GRID2: variants seen among roughly 807,000 people sequenced by gnomAD.
The protein encoded by GRID2 is glutamate ionotropic receptor delta type subunit 2.
A neutral mutation model predicts 114.8 loss-of-function variants in GRID2; 33 were observed. That is an observed-to-expected ratio of 0.29 (90% CI 0.22 to 0.38). The LOEUF (loss-of-function observed/expected upper bound fraction) is 0.38, where lower values mean the gene tolerates loss of function less well. Ranked by LOEUF, GRID2 falls within the 10% of genes least tolerant of loss-of-function variation. GRID2 has a pLI of 1.00. For missense variants in GRID2, 1,184 were observed against 1,257.7 expected, an observed-to-expected ratio of 0.94 and a Z score of 0.89; for synonymous variants, 505 against 449.9, an observed-to-expected ratio of 1.12 and a Z score of -1.55.
At chr4:93,230,551 G>C (rs1044332702) in intron 7 of GRID2, among the ~76,000 whole-genome samples, 4 of 152,100 alleles carry the variant, frequency 2.6e-5, no homozygotes, top group Non-Finnish European at 1.5e-5. Context: ...AGAGTAGCAA[G>C]TCACAATAAA....
intron 1 of GRID2, among the ~76,000 whole-genome samples, chr4:92,485,247 A>G (rs1722804995): frequency 1.4e-5 from 2 of 144,830 alleles, no homozygotes; most frequent in South Asian, 2.2e-4. Flanking sequence ...ATTTGCTTAT[A>G]TGGCTTTTAT....
chr4:93,230,573 C>A (rs1241580892), intron 7 of GRID2, among the ~76,000 whole-genome samples: 1 of 151,850 alleles, frequency 6.6e-6, no homozygotes, highest in Non-Finnish European at 1.5e-5. Context: ...TTAATCTAAC[C>A]TTTTTATTCT....
chr4:93,467,771 A>ATAGC (rs1724431593), intron 11 of GRID2, among the ~76,000 whole-genome samples: 1 of 152,212 alleles, frequency 6.6e-6, no homozygotes, highest in Non-Finnish European at 1.5e-5. Flanking sequence ...CTCTTGACAT[A>ATAGC]TAGCTAGCAG....
At chr4:92,837,928 C>A (rs528624910) in intron 2 of GRID2, among the ~76,000 whole-genome samples, 1 of 152,118 alleles carries the variant, frequency 6.6e-6, no homozygotes, top group South Asian at 2.1e-4. Context: ...TGTCACTTGA[C>A]TATAAGCTTT....
At chr4:93,374,539 G>T (rs1055094694) in intron 8 of GRID2, among the ~76,000 whole-genome samples, 1 of 152,034 alleles carries the variant, frequency 6.6e-6, no homozygotes, top group East Asian at 1.9e-4. Flanking sequence ...TTGCCAGCTG[G>T]TATCTTATTT....
chr4:93,219,200 G>T (rs1744598881), intron 6 of GRID2, among the ~76,000 whole-genome samples: 1 of 152,106 alleles, frequency 6.6e-6, no homozygotes, highest in Admixed American at 6.5e-5. Flanking sequence ...ATTAAAAGTT[G>T]TGTTTGTTAA....
intron 3 of GRID2, among the ~76,000 whole-genome samples, chr4:93,087,026 ATTT>A (rs1031743659): frequency 1.3e-5 from 2 of 150,902 alleles, no homozygotes; most frequent in Admixed American, 6.6e-5. Flanking sequence ...TGATTTATTT[ATTT>A]ATTTATTTAT....
At chr4:92,680,714 C>G (rs1213054318) in intron 2 of GRID2, among the ~76,000 whole-genome samples, 1 of 152,022 alleles carries the variant, frequency 6.6e-6, no homozygotes, top group African/African-American at 2.4e-5. Context: ...AAGGGAGAAC[C>G]CTTAGGTAAA....
At chr4:93,167,493 T>C (rs1051658271) in intron 4 of GRID2, among the ~76,000 whole-genome samples, 7 of 152,202 alleles carry the variant, frequency 4.6e-5, no homozygotes, top group Admixed American at 3.3e-4. Flanking sequence ...CTTCCCTGAA[T>C]GTGCTTAAAT....
chr4:93,687,869 T>C (rs569308437), intron 14 of GRID2, among the ~76,000 whole-genome samples: 9 of 151,880 alleles, frequency 5.9e-5, no homozygotes, highest in Non-Finnish European at 1.3e-4. Flanking sequence ...AAGTATATTA[T>C]GTATGAATTC....
At chr4:92,611,142 GTGCA>G (rs1384801748) in intron 2 of GRID2, among the ~76,000 whole-genome samples, 1 of 135,980 alleles carries the variant, frequency 7.4e-6, no homozygotes, top group East Asian at 2.1e-4. Flanking sequence ...ATGTGTGTGT[GTGCA>G]TGTGTGTGTG....
rs1385933704 is a variant in GRID2 at position 93,682,117 on chromosome 4, A to G, written c.2360+55682A>G. ...CAAACAACCCCATCAACAAGTGGGC[A>G]AAGGATATGAACAGACACTTCTCAA... On this transcript the variant is annotated intron_variant, in intron 14 of 15. Coordinates refer to ENST00000282020, the MANE Select transcript of GRID2 (RefSeq NM_001510.4). Among the ~76,000 whole-genome samples the G allele has an allele frequency of 3.3e-4, 50 of 151,326 alleles. No homozygotes were observed. In the East Asian group the frequency reaches 5.6e-3, roughly 17 times the overall value.
At chr4:92,669,617 C>T (rs1336556721) in intron 2 of GRID2, among the ~76,000 whole-genome samples, 1 of 151,848 alleles carries the variant, frequency 6.6e-6, no homozygotes, top group Non-Finnish European at 1.5e-5. Context: ...GCCAGAGTTG[C>T]AAATCAAAAG....
chr4:92,641,243 A>G (rs901955409), intron 2 of GRID2, among the ~76,000 whole-genome samples: 2 of 151,542 alleles, frequency 1.3e-5, no homozygotes, highest in Non-Finnish European at 2.9e-5. Context: ...TATATATATT[A>G]TGAAAATTTC....
chr4:92,961,274 C>A (rs902737270), intron 2 of GRID2, among the ~76,000 whole-genome samples: 2 of 151,426 alleles, frequency 1.3e-5, no homozygotes, highest in African/African-American at 4.8e-5. Flanking sequence ...GATGCTCTTT[C>A]TTTATGTTGA....
chr4:92,327,046 C>T (rs1726635156), intron 1 of GRID2, among the ~76,000 whole-genome samples: 1 of 151,996 alleles, frequency 6.6e-6, no homozygotes, highest in Non-Finnish European at 1.5e-5. Flanking sequence ...TTTGGCACCT[C>T]TTTGCTGCCA....
chr4:93,171,938 T>C (rs1344086768), intron 4 of GRID2, among the ~76,000 whole-genome samples: 1 of 152,164 alleles, frequency 6.6e-6, no homozygotes, highest in Non-Finnish European at 1.5e-5. Flanking sequence ...TCAATATAGC[T>C]CTAAAGCCAA....
At chr4:92,876,367 C>T (rs917519032) in intron 2 of GRID2, among the ~76,000 whole-genome samples, 6 of 151,820 alleles carry the variant, frequency 4.0e-5, no homozygotes, top group East Asian at 3.9e-4. Flanking sequence ...GGCACCATCT[C>T]GGCTCACTGC....
intron 13 of GRID2, among the ~76,000 whole-genome samples, chr4:93,588,343 A>G (rs1737753221): frequency 6.6e-6 from 1 of 152,130 alleles, no homozygotes; most frequent in Non-Finnish European, 1.5e-5. Flanking sequence ...CACATTCATT[A>G]TGTTGTAAAT....
Sources: allele counts gnomAD v4.1 joint callset (sites outside exome capture counted in the v4.1 genomes callset), GRCh38; gene constraint gnomAD v4.1.1; transcripts MANE v1.5; gene names NCBI Gene and HGNC (gene_info 2026-07-23, HGNC 2026-07-21).